The following MCM3 variants were observed in gnomAD, a reference collection of about 807,000 sequenced individuals.
The protein encoded by MCM3 is DNA replication licensing factor MCM3.
MCM3 carries 59 observed loss-of-function variants against 91.3 expected under a neutral mutation model. The observed-to-expected ratio is 0.65, with a 90% CI of 0.52 to 0.80. The LOEUF (loss-of-function observed/expected upper bound fraction) is 0.80. Among genes scored for constraint, MCM3 ranks in the 30% least tolerant of loss-of-function variants. The pLI is 0.00. For synonymous variants in MCM3, 383 were observed against 379.6 expected, an observed-to-expected ratio of 1.01 and a Z score of -0.10; for missense variants, 919 against 1,035.4, an observed-to-expected ratio of 0.89 and a Z score of 1.54.
At chr6:52,276,246 G>A (rs1428144025) in intron 9 of MCM3, 22 bp downstream of exon 9, 2 of 1,596,142 alleles carry the variant, frequency 1.3e-6, no homozygotes, top group South Asian at 2.2e-5. Context: ...GAGGACAATG[G>A]TTGGGGCCTG....
At chr6:52,273,564 A>G (rs548038802) in intron 10 of MCM3, among the ~76,000 whole-genome samples, 178 bp downstream of exon 10, 2 of 152,286 alleles carry the variant, frequency 1.3e-5, no homozygotes, top group Admixed American at 6.5e-5. Flanking sequence ...GAAATGGACA[A>G]AAGACACACC....
intron 12 of MCM3, among the ~76,000 whole-genome samples, chr6:52,271,270 T>C (rs540675547): frequency 2.0e-5 from 3 of 152,228 alleles, no homozygotes; most frequent in African/African-American, 4.8e-5. Context: ...AATCTATGTC[T>C]ATGTAACATA....
At chr6:52,282,295 T>A in intron 3 of MCM3, 120 bp from the exon 4 acceptor site, 1 of 846,350 alleles carries the variant, frequency 1.2e-6, no homozygotes, top group Non-Finnish European at 1.9e-6. Context: ...TAGGTTACGA[T>A]ATTTCAATAT....
chr6:52,269,018 G>C, intron 13 of MCM3, 68 bp downstream of exon 13: 1 of 1,510,936 alleles, frequency 6.6e-7, no homozygotes, highest in Non-Finnish European at 9.0e-7. Flanking sequence ...GCCACGGAAG[G>C]CTGGGAAGCC....
At chr6:52,276,236 G>A in intron 9 of MCM3, 32 bp downstream of exon 9, 1 of 1,577,302 alleles carries the variant, frequency 6.3e-7, no homozygotes. Context: ...AAATGAAGGT[G>A]AGGACAATGG....
chr6:52,271,614 C>G (rs566118360), intron 12 of MCM3, among the ~76,000 whole-genome samples: 6 of 152,084 alleles, frequency 3.9e-5, no homozygotes, highest in Non-Finnish European at 7.3e-5. Flanking sequence ...TGCACTCCAG[C>G]CTAGCCAACA....
At chr6:52,272,600 C>G in intron 11 of MCM3, 149 bp from the exon 12 acceptor site, 1 of 677,634 alleles carries the variant, frequency 1.5e-6, no homozygotes, top group Non-Finnish European at 2.3e-6. Flanking sequence ...AGACAAGACT[C>G]TTTCACATAT....
rs369096498 is a variant in MCM3 at position 52,277,084 on chromosome 6, G to T, written c.1148C>A (p.Thr383Asn). 5 of 1,613,984 alleles carry T rather than the reference G, an allele frequency of 3.1e-6. No homozygotes were observed. Among genetic ancestry groups the T allele is most frequent in the Non-Finnish European group, 4.2e-6 (5 of 1,179,912 alleles). Residue 383 changes from threonine (T) to asparagine (N), a missense_variant, in exon 8 of 17, where the codon ACC becomes AAC. Around this residue, in one of 3 missense-constraint regions of MCM3, gnomAD observed 233 missense variants for 321.2 expected, o/e 0.73. Transcript: ENST00000596288. ...SSGVGLTAAV[T>N]TDQETGERRL... is the part of the protein sequence containing the mutation. The stretch of plus-strand genomic sequence containing the variant: ...ACCCTTACCTGTTTCCTGGTCTGTG[G>T]TGACAGCAGCCGTCAGACCCACTCC...
intron 5 of MCM3, 65 bp from the exon 6 acceptor site, chr6:52,278,915 C>A: frequency 8.4e-7 from 1 of 1,187,826 alleles, no homozygotes; most frequent in East Asian, 2.4e-5. Context: ...AGCTAGTACC[C>A]CTAGCAGGAG....
At chr6:52,284,309 G>A (rs1393102123) in intron 1 of MCM3, among the ~76,000 whole-genome samples, 2 of 152,234 alleles carry the variant, frequency 1.3e-5, no homozygotes, top group Non-Finnish European at 2.9e-5. Flanking sequence ...GCAAAAGGCC[G>A]AGGTGGGCTT....
rs764163389 is a variant in MCM3, at chr6:52,277,191, T to C, written c.1041A>G (p.Pro347=). ...GCAGAAGCTGAGACTTGGCAACGGATGGGTCTCCTGTAGGGTGGGGGCAGT... is the reference window on the plus strand; with the variant it reads ...GCAGAAGCTGAGACTTGGCAACGGACGGGTCTCCTGTAGGGTGGGGGCAGT... ...GDINILLIGD[P]SVAKSQLLRY... Residue 347 remains proline, a synonymous_variant, in exon 8 of 17, where the codon CCA becomes CCG. Coordinates refer to ENST00000596288, the MANE Select transcript of MCM3 (RefSeq NM_002388.6). 4 of 1,612,818 alleles carry C rather than the reference T, an allele frequency of 2.5e-6. No homozygotes were observed. Among genetic ancestry groups the C allele is most frequent in the Non-Finnish European group, 3.4e-6 (4 of 1,179,752 alleles).
chr6:52,279,762 A>G (rs2128282820), intron 4 of MCM3, among the ~76,000 whole-genome samples, 163 bp from the exon 5 acceptor site: 1 of 152,342 alleles, frequency 6.6e-6, no homozygotes, highest in East Asian at 1.9e-4. Context: ...CTGTTTTAGT[A>G]ACAACCATCG....
At position 52,264,756 on chromosome 6, in the gene MCM3, A is replaced by G. The variant is rs201751500; in HGVS notation, c.2259T>C (p.Asp753=). 79 of 1,614,102 alleles carry G rather than the reference A, an allele frequency of 4.9e-5. No individual in the cohort carries two copies. Among genetic ancestry groups the G allele is most frequent in the Middle Eastern group, 1.7e-4 (1 of 5,988 alleles). Residue 753 remains aspartate (D), a synonymous_variant, in exon 17 of 17, where the codon GAT becomes GAC. Coordinates refer to ENST00000596288, the MANE Select transcript of MCM3 (RefSeq NM_002388.6). ...ACTGCGCATGAGCTTCCCGGAACACATCCAAGAGGGCCACCTTGAATGCCT... is the reference window on the plus strand; with the variant it reads ...ACTGCGCATGAGCTTCCCGGAACACGTCCAAGAGGGCCACCTTGAATGCCT... ...RLKAFKVALL[D]VFREAHAQSI...
At chr6:52,284,270 C>G (rs1766439630) in intron 1 of MCM3, among the ~76,000 whole-genome samples, 1 of 152,212 alleles carries the variant, frequency 6.6e-6, no homozygotes, top group Non-Finnish European at 1.5e-5. Flanking sequence ...CCCCCACAGT[C>G]TCCTCAAATC....
chr6:52,267,096 CTT>C (rs70977337), intron 14 of MCM3, among the ~76,000 whole-genome samples: 8 of 111,552 alleles, frequency 7.2e-5, no homozygotes, highest in Admixed American at 2.9e-4. Context: ...AGGGTATCTT[CTT>C]TTTTTTTTTT....
rs1462470701 is a variant in MCM3, at chr6:52,283,142, A to G, written c.191+152T>C. ...AATGCCAACCACCCACTTTTTGAAA[A>G]AAAAAAAAAAAAAAATAGGTGCAGG... On this transcript the variant is annotated intron_variant, in intron 2 of 16. Coordinates refer to ENST00000596288, the MANE Select transcript of MCM3 (RefSeq NM_002388.6). 8 of 79,296 alleles carry G rather than the reference A, an allele frequency of 1.0e-4. 1 individual carries two copies. The highest frequency in any genetic ancestry group is 2.0e-4 in the South Asian group (1 of 4,966). 4.9% of individuals were successfully genotyped at this position (79,296 alleles called of 1,614,324 possible).
chr6:52,276,409 A>G lies in MCM3; in HGVS notation c.1233T>C (p.Phe411=), dbSNP rs780007648. ...ADRGVVCIDE[F]DKMSDMDRTA... is the part of the protein sequence containing the mutation. ...TGCGATCCATGTCAGACATTTTGTC[A>G]AATTCATCAATGCAAACCACGCCTC... Residue 411 remains phenylalanine (F), a synonymous_variant, in exon 9 of 17, where the codon TTT becomes TTC. Coordinates refer to ENST00000596288, the MANE Select transcript of MCM3 (RefSeq NM_002388.6). 32 of 1,614,220 alleles carry G rather than the reference A, an allele frequency of 2.0e-5. No individual in the cohort carries two copies. The highest frequency in any genetic ancestry group is 2.7e-5 in the Non-Finnish European group (32 of 1,180,048).
At chr6:52,273,527 C>A (rs1220681121) in intron 10 of MCM3, among the ~76,000 whole-genome samples, 171 bp from the exon 11 acceptor site, 2 of 152,146 alleles carry the variant, frequency 1.3e-5, no homozygotes, top group African/African-American at 4.8e-5. Flanking sequence ...CTGGCTCACA[C>A]AAGATGCTCA....
chr6:52,279,565 C>G lies in MCM3; in HGVS notation c.566G>C (p.Gly189Ala). ...CTGGTGATCCTTGTAGACAGAAAGGCCATATTCTGTCTCAAGGGGATTGTT... is the reference window on the plus strand; with the variant it reads ...CTGGTGATCCTTGTAGACAGAAAGGGCATATTCTGTCTCAAGGGGATTGTT... ...EENNPLETEYGLSVYKDHQTI... is the reference protein window; with the variant it reads ...EENNPLETEYALSVYKDHQTI... The change falls in exon 5 of 17, where the codon GGC (glycine) becomes GCC (alanine). Residue 189 changes from glycine (G) to alanine (A), a missense_variant. By Grantham distance (60) the Gly-to-Ala change is moderately conservative (BLOSUM62 0). Transcript: ENST00000596288. The G allele has an allele frequency of 6.2e-7, 1 of 1,613,974 alleles. No homozygotes were observed. Among genetic ancestry groups the G allele is most frequent in the Non-Finnish European group, 8.5e-7 (1 of 1,179,954 alleles).
Sources: gnomAD v4.1 joint callset for allele counts (sites outside exome capture counted in the v4.1 genomes callset) on GRCh38, gnomAD v4.1.1 for gene constraint, gnomAD v4.1.1 regional missense constraint, MANE v1.5 for transcripts, NCBI Gene and HGNC (gene_info 2026-07-23, HGNC 2026-07-21) for gene names.